Variants in ANO1 observed in about 807,000 individuals in gnomAD.
The protein encoded by ANO1 is anoctamin-1.
ANO1 carries 59 observed loss-of-function variants against 124.0 expected under a neutral mutation model. The ratio of observed to expected loss-of-function variants is 0.48; its 90% CI spans 0.39 to 0.59. ANO1 has a LOEUF of 0.59. ANO1 is among the 20% of genes least tolerant of loss of function. The pLI, the probability that ANO1 is intolerant of heterozygous loss-of-function variation, is 0.00. For missense variants in ANO1, 1,059 were observed against 1,328.0 expected (o/e 0.80, Z 3.15); for synonymous variants, 529 against 532.0 (o/e 0.99, Z 0.08).
chr11:70,152,334 CAAAAAA>C (rs56895585), intron 12 of ANO1, 110 bp from the exon 13 acceptor site: 68 of 436,576 alleles, frequency 1.6e-4, no homozygotes, highest in East Asian at 2.5e-4. Flanking sequence ...GACTCCATCT[CAAAAAA>C]AAAAAAAAAA....
At chr11:70,176,455 A>C (rs1015806021) in intron 22 of ANO1, among the ~76,000 whole-genome samples, 1 of 152,122 alleles carries the variant, frequency 6.6e-6, no homozygotes, top group Non-Finnish European at 1.5e-5. Flanking sequence ...CCTATTTTTA[A>C]AATTTCTGAT....
At chr11:70,174,878 G>A (rs1391733508) in intron 22 of ANO1, among the ~76,000 whole-genome samples, 1 of 150,658 alleles carries the variant, frequency 6.6e-6, no homozygotes, top group East Asian at 1.9e-4. Context: ...AAAGAAAAGA[G>A]TGCCATCCCA....
intron 1 of ANO1, among the ~76,000 whole-genome samples, chr11:70,021,342 A>G (rs1342123721): frequency 1.3e-5 from 2 of 152,214 alleles, no homozygotes; most frequent in African/African-American, 4.8e-5. Context: ...GGCCTCGTGC[A>G]TGCGAGGGAG....
At chr11:70,060,211 G>A (rs1302414892) in intron 1 of ANO1, among the ~76,000 whole-genome samples, 2 of 152,156 alleles carry the variant, frequency 1.3e-5, no homozygotes, top group Non-Finnish European at 2.9e-5. Flanking sequence ...AAATGTTAAT[G>A]TGCATTCCTT....
At chr11:70,186,236 G>A (rs1057153348) in intron 25 of ANO1, among the ~76,000 whole-genome samples, 2 of 152,016 alleles carry the variant, frequency 1.3e-5, no homozygotes, top group Non-Finnish European at 1.5e-5. Flanking sequence ...GCAGTGAGCC[G>A]AGATCGTGCC....
At chr11:70,136,030 T>C (rs577402221) in intron 11 of ANO1, among the ~76,000 whole-genome samples, 1 of 152,308 alleles carries the variant, frequency 6.6e-6, no homozygotes, top group East Asian at 1.9e-4. Context: ...CCTCCCTCCT[T>C]CTGGGAGTTC....
At chr11:70,039,416 T>A (rs1857146438) in intron 1 of ANO1, among the ~76,000 whole-genome samples, 1 of 152,226 alleles carries the variant, frequency 6.6e-6, no homozygotes, top group Admixed American at 6.5e-5. Flanking sequence ...AACTCCTGCA[T>A]CCTCAATTAT....
chr11:70,156,916 A>G (rs555214740), intron 15 of ANO1, 31 bp from the exon 16 acceptor site: 5 of 1,606,994 alleles, frequency 3.1e-6, no homozygotes, highest in Admixed American at 3.4e-5. Flanking sequence ...TGATGGTTCC[A>G]GACAGTGACC....
chr11:69,996,194 T>G (rs1856268691), intron 1 of ANO1, among the ~76,000 whole-genome samples: 1 of 152,186 alleles, frequency 6.6e-6, no homozygotes, highest in South Asian at 2.1e-4. Context: ...GAACCATCAA[T>G]CTATGAAACT....
At chr11:69,993,516 G>T (rs568229092) in intron 1 of ANO1, among the ~76,000 whole-genome samples, 1 of 152,302 alleles carries the variant, frequency 6.6e-6, no homozygotes, top group East Asian at 1.9e-4. Flanking sequence ...TTGCCAAATT[G>T]ATCAAGGTGT....
chr11:70,133,681 T>C (rs1312048013), intron 11 of ANO1, among the ~76,000 whole-genome samples: 1 of 152,194 alleles, frequency 6.6e-6, no homozygotes, highest in Non-Finnish European at 1.5e-5. Context: ...TCTCCAACAG[T>C]GCATAAGAGA....
the ANO1 span, among the ~76,000 whole-genome samples, chr11:69,967,355 C>T: frequency 6.6e-6 from 1 of 152,270 alleles, no homozygotes; most frequent in Non-Finnish European, 1.5e-5. Flanking sequence ...CGTTAGCTAG[C>T]ATCAGGCTCT....
the ANO1 span, among the ~76,000 whole-genome samples, chr11:69,977,173 C>A: frequency 6.6e-6 from 1 of 152,108 alleles, no homozygotes; most frequent in South Asian, 2.1e-4. Flanking sequence ...CAGGTGTAGC[C>A]CCCCAGGTGT....
chr11:70,025,313 G>A (rs1555003049), intron 1 of ANO1, among the ~76,000 whole-genome samples: 1 of 152,242 alleles, frequency 6.6e-6, no homozygotes, highest in Non-Finnish European at 1.5e-5. Flanking sequence ...TGCCTGTTAT[G>A]AAGGAAGAAC....
chr11:69,982,698 C>T (rs1192254322), upstream of ANO1, among the ~76,000 whole-genome samples: 5 of 152,168 alleles, frequency 3.3e-5, no homozygotes, highest in African/African-American at 4.8e-5. Flanking sequence ...CTGCAGAGGC[C>T]ATAGGCCCGG....
chr11:70,069,738 C>A (rs1334448931), intron 1 of ANO1, among the ~76,000 whole-genome samples: 3 of 151,112 alleles, frequency 2.0e-5, no homozygotes, highest in African/African-American at 7.3e-5. Context: ...AGCCCTGTGG[C>A]CCCTGGGCTC....
chr11:70,005,873 C>T (rs79419852), intron 1 of ANO1, among the ~76,000 whole-genome samples: 6,992 of 152,278 alleles, frequency 0.046, 527 homozygotes, highest in African/African-American at 0.16. Context: ...GTAGTAATTA[C>T]GTGAAGACTC....
At chr11:70,016,993 G>T (rs1004385208) in intron 1 of ANO1, among the ~76,000 whole-genome samples, 1 of 152,148 alleles carries the variant, frequency 6.6e-6, no homozygotes, top group African/African-American at 2.4e-5. Context: ...TTCTTTTCCC[G>T]GTCTTTCTTC....
chr11:70,073,787 A>G (rs1238552868), upstream of ANO1, among the ~76,000 whole-genome samples: 5 of 151,914 alleles, frequency 3.3e-5, no homozygotes, highest in Non-Finnish European at 5.9e-5. Flanking sequence ...AAACCCTCCT[A>G]TGGAAACTGG....
Sources: gnomAD v4.1 joint callset for allele counts (sites outside exome capture counted in the v4.1 genomes callset) on GRCh38, gnomAD v4.1.1 for gene constraint, MANE v1.5 for transcripts, NCBI Gene and HGNC (gene_info 2026-07-23, HGNC 2026-07-21) for gene names.